The following DSN1 variants were observed in gnomAD, a reference collection of about 807,000 sequenced individuals.
The protein encoded by DSN1 is DSN1 component of MIS12 kinetochore complex, also known as kinetochore-associated protein DSN1 homolog.
Under a neutral mutation model 45.7 loss-of-function variants are expected in DSN1, and 31 were observed. The ratio of observed to expected loss-of-function variants is 0.68; its 90% CI spans 0.51 to 0.92. The LOEUF (loss-of-function observed/expected upper bound fraction) is 0.92. Ranked by LOEUF, DSN1 falls within the 40% of genes least tolerant of loss-of-function variation. DSN1 has a pLI of 0.00. For missense variants in DSN1, 394 were observed against 414.2 expected (o/e 0.95, Z 0.42); for synonymous variants, 134 against 142.3 (o/e 0.94, Z 0.41).
At chr20:36,767,505 C>A (rs983285462) in intron 4 of DSN1, among the ~76,000 whole-genome samples, 3 of 152,080 alleles carry the variant, frequency 2.0e-5, no homozygotes, top group African/African-American at 7.2e-5. Context: ...GTGGCTCACA[C>A]CTGTAATCCT....
At chr20:36,773,306 G>T in intron 1 of DSN1, 2 of 902,160 alleles carry the variant, frequency 2.2e-6, no homozygotes, top group Non-Finnish European at 1.3e-6. Context: ...GAGGTTCAGA[G>T]GGGCAAAAAG....
chr20:36,770,543 AT>A (rs918594623), intron 3 of DSN1, among the ~76,000 whole-genome samples: 11 of 152,184 alleles, frequency 7.2e-5, no homozygotes, highest in African/African-American at 2.7e-4. Flanking sequence ...TTAGAAATTT[AT>A]TTGTGGCAGC....
chr20:36,769,932 CACACACACAG>C (rs1301425335), intron 3 of DSN1, among the ~76,000 whole-genome samples: 50 of 122,990 alleles, frequency 4.1e-4, no homozygotes, highest in Non-Finnish European at 6.7e-4. Flanking sequence ...CACACACACA[CACACACACAG>C]AGAGAGAGAG....
intron 3 of DSN1, among the ~76,000 whole-genome samples, chr20:36,770,213 C>T (rs56853040): frequency 2.6e-5 from 4 of 152,162 alleles, no homozygotes; most frequent in East Asian, 1.9e-4. Context: ...ACTACAGGTA[C>T]GTGCCACCAT....
chr20:36,770,597 G>A (rs776841113), intron 3 of DSN1, among the ~76,000 whole-genome samples: 2 of 152,156 alleles, frequency 1.3e-5, no homozygotes, highest in African/African-American at 4.8e-5. Context: ...AGTGGCTCAC[G>A]CCTGTAGTCC....
At chr20:36,763,033 C>T (rs1360954336) in intron 5 of DSN1, among the ~76,000 whole-genome samples, 2 of 152,166 alleles carry the variant, frequency 1.3e-5, no homozygotes, top group African/African-American at 4.8e-5. Context: ...GGATTGTAGG[C>T]GTAAGCCACT....
chr20:36,771,604 CAG>C (rs1987656575), intron 1 of DSN1, 131 bp from the exon 2 acceptor site: 2 of 698,060 alleles, frequency 2.9e-6, no homozygotes, highest in Non-Finnish European at 4.8e-6. Flanking sequence ...ACCTCCCTGA[CAG>C]AGAATATCAG....
intron 7 of DSN1, 83 bp from the exon 8 acceptor site, chr20:36,758,244 G>A (rs1280720084): frequency 1.6e-6 from 2 of 1,279,660 alleles, no homozygotes; most frequent in East Asian, 2.5e-5. Flanking sequence ...TATGTGAGGT[G>A]TACAATCTGG....
chr20:36,767,236 G>A (rs762084950), intron 4 of DSN1, among the ~76,000 whole-genome samples: 1 of 151,986 alleles, frequency 6.6e-6, no homozygotes, highest in Non-Finnish European at 1.5e-5. Context: ...GAACCTGGGA[G>A]GCGGAGGTTG....
At position 36,758,690 on chromosome 20, in the gene DSN1, GTTAT is replaced by G. The variant is rs887946532; in HGVS notation, c.591-77_591-74del. 3.5e-4 allele frequency: 486 copies of G among 1,389,464 alleles called. 1 individual carries two copies. Among genetic ancestry groups the G allele is most frequent in the Non-Finnish European group, 4.2e-4 (427 of 1,010,232 alleles). 86.1% of individuals were successfully genotyped at this position (1,389,464 alleles called of 1,614,324 possible). On this transcript the variant is annotated intron_variant, in intron 6 of 10. Coordinates refer to ENST00000373750, the MANE Select transcript of DSN1 (RefSeq NM_001145315.2). ...CTTTAATATAATCGCTTATAAATTA[GTTAT>G]TTATTTATTTCAGACGGAGTTTCCC...
At chr20:36,753,424 G>A (rs1235547229) in intron 10 of DSN1, among the ~76,000 whole-genome samples, 7 of 151,192 alleles carry the variant, frequency 4.6e-5, no homozygotes, top group Non-Finnish European at 7.4e-5. Flanking sequence ...GATCACTTGC[G>A]GTCAGAAGTT....
At position 36,762,494 on chromosome 20, in the gene DSN1, C is replaced by G. The variant is rs377271319; in HGVS notation, c.557G>C (p.Gly186Ala). The change falls in exon 6 of 11, where the codon GGA becomes GCA. Residue 186 changes from glycine (G) to alanine (A), a missense_variant. Coordinates refer to ENST00000373750, the MANE Select transcript of DSN1 (RefSeq NM_001145315.2). ...ATCTTCAAAACATTTTTGTAGAGTT[C>G]CATCAGTTTCCAGTCCGTCTGCAAA... ...KHFADGLETD[G>A]TLQKCFEDSN... 3.3e-5 allele frequency: 53 copies of G among 1,613,520 alleles called. No individual in the cohort carries two copies. The highest frequency in any genetic ancestry group is 4.2e-5 in the Non-Finnish European group (50 of 1,179,796).
chr20:36,768,867 C>T (rs1056007522), intron 3 of DSN1, among the ~76,000 whole-genome samples: 2 of 152,160 alleles, frequency 1.3e-5, no homozygotes, highest in African/African-American at 4.8e-5. Flanking sequence ...AGTCTCTCAC[C>T]GATATCTGTG....
At position 36,752,925 on chromosome 20, in the gene DSN1, A is replaced by G. The variant is rs146846676; in HGVS notation, c.962-28T>C. 2.4e-5 allele frequency: 38 copies of G among 1,560,758 alleles called. No individual in the cohort carries two copies. The African/African-American group carries it at 4.1e-4, about 17-fold the overall frequency. ...GCAGAGAAAAGAGGCCAAAAAATAAATTTCAATTGAAATAACGTAACATTT... is the reference window on the plus strand; with the variant it reads ...GCAGAGAAAAGAGGCCAAAAAATAAGTTTCAATTGAAATAACGTAACATTT... On this transcript the variant is annotated intron_variant, in intron 10 of 10. Transcript: ENST00000373750.
At chr20:36,764,008 G>A (rs1334361770) in intron 5 of DSN1, among the ~76,000 whole-genome samples, 2 of 151,760 alleles carry the variant, frequency 1.3e-5, no homozygotes, top group Non-Finnish European at 2.9e-5. Context: ...GAGCCCAGGA[G>A]TTCAAGACCA....
At chr20:36,771,501 GTTC>G in intron 1 of DSN1, 28 bp from the exon 2 acceptor site, 1 of 1,607,906 alleles carries the variant, frequency 6.2e-7, no homozygotes, top group Non-Finnish European at 8.5e-7. Flanking sequence ...GAAGTGATCT[GTTC>G]TTCACGTTTC....
At chr20:36,771,546 GAATA>G (rs1310756986) in intron 1 of DSN1, 73 bp from the exon 2 acceptor site, 8 of 1,393,608 alleles carry the variant, frequency 5.7e-6, no homozygotes, top group South Asian at 1.2e-5. Flanking sequence ...TACAGCCCCA[GAATA>G]AATAGGCCGT....
chr20:36,756,526 A>G (rs1404957061), intron 8 of DSN1, among the ~76,000 whole-genome samples: 1 of 152,228 alleles, frequency 6.6e-6, no homozygotes, highest in Non-Finnish European at 1.5e-5. Context: ...AGAGTTCATG[A>G]AAACTGATGA....
chr20:36,773,527 C>T, intron 1 of DSN1, 135 bp downstream of exon 1: 22 of 985,968 alleles, frequency 2.2e-5, no homozygotes, highest in Non-Finnish European at 2.5e-5. Flanking sequence ...TGTCCACGGT[C>T]GGGGCCGGGG....
Sources: gnomAD v4.1 joint callset for allele counts (sites outside exome capture counted in the v4.1 genomes callset) on GRCh38, gnomAD v4.1.1 for gene constraint, MANE v1.5 for transcripts, NCBI Gene and HGNC (gene_info 2026-07-23, HGNC 2026-07-21) for gene names.